CELF2: variants seen among roughly 807,000 people sequenced by gnomAD.
The protein encoded by CELF2 is CUGBP Elav-like family member 2.
CELF2 carries 8 observed loss-of-function variants against 62.6 expected under a neutral mutation model. The observed-to-expected ratio is 0.13, with a 90% confidence interval of 0.07 to 0.23. The LOEUF (loss-of-function observed/expected upper bound fraction) is 0.23. CELF2 is among the 10% of genes least tolerant of loss of function. The probability of loss-of-function intolerance (pLI) is 1.00; values close to 1 mark genes in which losing one functional copy is unlikely to be tolerated. For missense variants in CELF2, 333 were observed against 671.0 expected, an observed-to-expected ratio of 0.50 and a Z score of 5.56; for synonymous variants, 258 against 250.0, an observed-to-expected ratio of 1.03 and a Z score of -0.30.
chr10:11,277,985 A>G (rs1247940892), intron 8 of CELF2, among the ~76,000 whole-genome samples: 6 of 152,276 alleles, frequency 3.9e-5, no homozygotes, highest in African/African-American at 1.4e-4. Context: ...AACTGATTTT[A>G]GAAACGAATA....
chr10:10,702,436 T>C, the CELF2 span, among the ~76,000 whole-genome samples: 3 of 152,206 alleles, frequency 2.0e-5, no homozygotes, highest in Admixed American at 6.5e-5. Context: ...TCCAAATAAA[T>C]CACTGTAGTT....
In CELF2 at chr10:10,931,074, G is replaced by A. The variant is rs575439009; in HGVS notation, c.89+11075G>A. Among the ~76,000 whole-genome samples the A allele has an allele frequency of 6.6e-5, 10 of 152,304 alleles. No homozygotes were observed. The South Asian group carries it at 1.9e-3, about 28-fold the overall frequency. ...ATAAATTAATAAAATTTATTCCCATGTATACATAGATAGTTTTAAACCCTG... is the reference window on the plus strand; with the variant it reads ...ATAAATTAATAAAATTTATTCCCATATATACATAGATAGTTTTAAACCCTG... On this transcript the variant is annotated intron_variant, in intron 2 of 13. Transcript: ENST00000636488. The surrounding 1 kb of genome is among the most constrained non-coding windows in gnomAD (Gnocchi z 6.1).
chr10:11,170,575 G>A (rs1036711493), intron 2 of CELF2, among the ~76,000 whole-genome samples: 7 of 152,068 alleles, frequency 4.6e-5, no homozygotes, highest in South Asian at 2.1e-4. Context: ...AGAAGGCATC[G>A]TAGAAGGCCA....
the CELF2 span, among the ~76,000 whole-genome samples, chr10:10,744,552 C>A: frequency 6.6e-6 from 1 of 152,214 alleles, no homozygotes; most frequent in Non-Finnish European, 1.5e-5. Flanking sequence ...GTACACAAAC[C>A]TGATCCCATC....
chr10:10,591,299 G>A, the CELF2 span, among the ~76,000 whole-genome samples: 1 of 152,050 alleles, frequency 6.6e-6, no homozygotes, highest in Non-Finnish European at 1.5e-5. Flanking sequence ...GATGGTTAAA[G>A]GTGTAACAGT....
the CELF2 span, among the ~76,000 whole-genome samples, chr10:10,531,624 C>A: frequency 6.6e-6 from 1 of 152,238 alleles, no homozygotes; most frequent in East Asian, 1.9e-4. Flanking sequence ...ACTTCCTAAG[C>A]CAGGTGCACT....
At position 11,237,033 on chromosome 10, in the gene CELF2, T is replaced by C. The variant is rs2071645233; in HGVS notation, c.355-12120T>C. Among the ~76,000 whole-genome samples the C allele has an allele frequency of 6.6e-6, 1 of 151,972 alleles. No homozygotes were observed. The highest frequency in any genetic ancestry group is 2.4e-5 in the African/African-American group (1 of 41,360). On this transcript the variant is annotated intron_variant, in intron 3 of 12. Transcript: ENST00000633077. The surrounding 1 kb of genome is among the most constrained non-coding windows in gnomAD (Gnocchi z 4.0). The stretch of plus-strand genomic sequence containing the variant: ...AAAGTCTTTGAGTGGGGGAGAAAAA[T>C]TTCTAGACTGAGTTTTAGACAGATT...
chr10:11,267,656 C>A lies in CELF2; in HGVS notation c.618+979C>A, dbSNP rs1174575730. Among the ~76,000 whole-genome samples, 1 of 152,010 alleles carries A rather than the reference C, an allele frequency of 6.6e-6. No homozygotes were observed. Among genetic ancestry groups the A allele is most frequent in the Non-Finnish European group, 1.5e-5 (1 of 68,004 alleles). On this transcript the variant is annotated intron_variant, in intron 6 of 12. Coordinates refer to ENST00000633077, the MANE Select transcript of CELF2 (RefSeq NM_001326342.2). The surrounding 1 kb of genome is among the most constrained non-coding windows in gnomAD (Gnocchi z 4.4). ...TCTTGATTGAGCTTCTGTTTTCCCC[C>A]CATTTTGTTGGGGTTTTATTTTTTT...
intron 1 of CELF2, among the ~76,000 whole-genome samples, chr10:10,877,621 G>A (rs1336323974): frequency 6.6e-6 from 1 of 152,164 alleles, no homozygotes; most frequent in Non-Finnish European, 1.5e-5. Context: ...TAGTGATTTG[G>A]GGGCCCTGAG....
At chr10:10,559,701 C>T in the CELF2 span, among the ~76,000 whole-genome samples, 1 of 152,152 alleles carries the variant, frequency 6.6e-6, no homozygotes, top group Non-Finnish European at 1.5e-5. Flanking sequence ...ATCTCCAGTG[C>T]ATTTAAATGG....
the CELF2 span, among the ~76,000 whole-genome samples, chr10:10,472,339 A>G: frequency 9.9e-5 from 15 of 151,884 alleles, no homozygotes; most frequent in South Asian, 2.9e-3. Context: ...AAGTTTACTC[A>G]TACTTTACTC....
At chr10:10,904,605 A>G (rs1271050133) in intron 1 of CELF2, among the ~76,000 whole-genome samples, 1 of 152,090 alleles carries the variant, frequency 6.6e-6, no homozygotes, top group African/African-American at 2.4e-5. Flanking sequence ...CATCCATAGC[A>G]CAGTTTACAT....
intron 1 of CELF2, among the ~76,000 whole-genome samples, chr10:10,823,968 TGATA>T (rs112930348): frequency 0.01 from 1,526 of 151,880 alleles, 19 homozygotes; most frequent in African/African-American, 0.028. Context: ...ATCTAGCAGA[TGATA>T]GATAGATAGA....
intron 1 of CELF2, among the ~76,000 whole-genome samples, chr10:10,902,918 GAGGGAGGGAAAAGCGGGAGGAAGGA>G (rs2063046138): frequency 1.5e-5 from 2 of 133,400 alleles, no homozygotes; most frequent in South Asian, 5.6e-4. Flanking sequence ...GGAGAAGAGG[GAGGGAGGGAAAAGCGGGAGGAAGGA>G]AGGGAGGGAG....
At chr10:10,939,415 A>G (rs1261500932) in intron 2 of CELF2, among the ~76,000 whole-genome samples, 1 of 151,940 alleles carries the variant, frequency 6.6e-6, no homozygotes, top group Non-Finnish European at 1.5e-5. Flanking sequence ...CCTCCCAAGT[A>G]GCTGGGATTA....
chr10:10,757,949 G>T, the CELF2 span, among the ~76,000 whole-genome samples: 9 of 152,258 alleles, frequency 5.9e-5, no homozygotes, highest in Admixed American at 4.6e-4. Context: ...TGAGCCCCGG[G>T]ACCTTCTCTC....
intron 1 of CELF2, among the ~76,000 whole-genome samples, chr10:10,910,712 A>AG (rs1412411731): frequency 6.6e-6 from 1 of 151,572 alleles, no homozygotes; most frequent in African/African-American, 2.4e-5. Flanking sequence ...AAAAAAAAAA[A>AG]AAAAAAAGAA....
chr10:10,562,385 C>T, the CELF2 span, among the ~76,000 whole-genome samples: 3 of 152,224 alleles, frequency 2.0e-5, no homozygotes, highest in African/African-American at 7.2e-5. Context: ...ATATATTGAT[C>T]ATTTACTATG....
intron 1 of CELF2, among the ~76,000 whole-genome samples, chr10:10,840,834 C>G (rs892656099): frequency 6.6e-6 from 1 of 152,086 alleles, no homozygotes; most frequent in Admixed American, 6.5e-5. Context: ...AATTCTCTCC[C>G]TCCCCTTGTC....
Sources: allele counts gnomAD v4.1 joint callset (sites outside exome capture counted in the v4.1 genomes callset), GRCh38; gene constraint gnomAD v4.1.1; non-coding constraint Gnocchi (gnomAD v3.1); transcripts MANE v1.5; gene names NCBI Gene and HGNC (gene_info 2026-07-23, HGNC 2026-07-21).